The following RBFOX3 variants were observed in gnomAD, a reference collection of about 807,000 sequenced individuals.
The protein encoded by RBFOX3 is RNA binding fox-1 homolog 3, also known as RNA binding protein fox-1 homolog 3.
RBFOX3 carries 17 observed loss-of-function variants against 48.7 expected under a neutral mutation model. That is an observed-to-expected ratio of 0.35 (90% CI 0.24 to 0.52). The LOEUF (loss-of-function observed/expected upper bound fraction) is 0.52. RBFOX3 is among the 20% of genes least tolerant of loss of function. RBFOX3 has a pLI of 0.94. For missense variants in RBFOX3, 382 were observed against 497.5 expected, an observed-to-expected ratio of 0.77 and a Z score of 2.21; for synonymous variants, 212 against 209.5, an observed-to-expected ratio of 1.01 and a Z score of -0.10.
chr17:79,282,369 G>A (rs917583847), intron 3 of RBFOX3, among the ~76,000 whole-genome samples: 3 of 152,222 alleles, frequency 2.0e-5, no homozygotes, highest in South Asian at 2.1e-4. Context: ...TAAGGGATTC[G>A]CTGATGCATT....
At position 79,572,666 on chromosome 17, in the gene RBFOX3, G is replaced by C. The variant is rs932857775; in HGVS notation, c.-320+38160C>G. ...ACAGTCTTAAGTATTTATTAACAAA[G>C]GCAGGAGGGCAGCCAGCCTGTCTGA... On this transcript the variant is annotated intron_variant, in intron 1 of 14. Transcript: ENST00000693108. 6.6e-4 allele frequency among the ~76,000 whole-genome samples: 100 copies of C among 152,346 alleles called. 1 individual carries two copies. Among genetic ancestry groups the C allele is most frequent in the Non-Finnish European group, 1.0e-3 (68 of 68,038 alleles).
intron 1 of RBFOX3, among the ~76,000 whole-genome samples, chr17:79,515,378 G>A (rs1374225744): frequency 2.0e-5 from 3 of 152,022 alleles, no homozygotes; most frequent in Admixed American, 1.3e-4. Flanking sequence ...TGACCCCCAC[G>A]CAGCTCCCGG....
rs115314613 is a variant in RBFOX3 at position 79,281,841 on chromosome 17, A to T, written c.-74+25883T>A. 9.3e-3 allele frequency among the ~76,000 whole-genome samples: 1,416 copies of T among 152,276 alleles called. 18 individuals are homozygous for T. The highest frequency in any genetic ancestry group is 0.032 in the African/African-American group (1,334 of 41,552). On this transcript the variant is annotated intron_variant, in intron 3 of 14. Coordinates refer to ENST00000693108, the MANE Select transcript of RBFOX3 (RefSeq NM_001350451.2). The stretch of plus-strand genomic sequence containing the variant: ...CATGATCTTGCACTTGGTCAAGCTC[A>T]CCCGTCCTGGCATTGGGTGCTTAGG...
intron 3 of RBFOX3, among the ~76,000 whole-genome samples, chr17:79,262,815 G>C (rs56919062): frequency 0.18 from 27,795 of 152,350 alleles, 3,070 homozygotes; most frequent in Middle Eastern, 0.35. Context: ...CAACCCATAT[G>C]CCTTCAGCCA....
chr17:79,353,958 C>G (rs2084465113), intron 2 of RBFOX3, among the ~76,000 whole-genome samples: 1 of 152,216 alleles, frequency 6.6e-6, no homozygotes, highest in Admixed American at 6.5e-5. Flanking sequence ...CTCAGGAGAT[C>G]TTCCCTTTCA....
At chr17:79,422,262 A>G (rs549677416) in intron 2 of RBFOX3, among the ~76,000 whole-genome samples, 53 of 152,170 alleles carry the variant, frequency 3.5e-4, no homozygotes, top group African/African-American at 1.2e-3. Flanking sequence ...CGACAGCGGC[A>G]GCACAGCCTC....
intron 4 of RBFOX3, among the ~76,000 whole-genome samples, chr17:79,177,827 A>G (rs1392991327): frequency 6.6e-6 from 1 of 152,134 alleles, no homozygotes; most frequent in Non-Finnish European, 1.5e-5. Context: ...GAAAAATCCT[A>G]CCACCCTCAA....
At chr17:79,620,535 A>C in the RBFOX3 span, among the ~76,000 whole-genome samples, 1 of 149,518 alleles carries the variant, frequency 6.7e-6, no homozygotes, top group African/African-American at 2.5e-5. Context: ...ATACGCGCAC[A>C]TGCACACACG....
intron 2 of RBFOX3, among the ~76,000 whole-genome samples, chr17:79,441,829 G>A (rs1421704990): frequency 7.2e-5 from 11 of 152,190 alleles, no homozygotes; most frequent in Admixed American, 2.6e-4. Context: ...CAGGGCTGAC[G>A]TGGTGCTGGT....
At chr17:79,630,442 G>A in the RBFOX3 span, among the ~76,000 whole-genome samples, 2 of 152,184 alleles carry the variant, frequency 1.3e-5, no homozygotes, top group African/African-American at 4.8e-5. Flanking sequence ...GAGGCGGCTT[G>A]AGCTCTTCTC....
intron 4 of RBFOX3, among the ~76,000 whole-genome samples, chr17:79,160,331 C>G (rs981483857): frequency 6.6e-6 from 1 of 152,218 alleles, no homozygotes; most frequent in Non-Finnish European, 1.5e-5. Context: ...AAGGCACGAG[C>G]GTGTGAGCGT....
intron 2 of RBFOX3, among the ~76,000 whole-genome samples, chr17:79,313,705 C>T (rs538927393): frequency 6.6e-6 from 1 of 152,212 alleles, no homozygotes; most frequent in Admixed American, 6.5e-5. Context: ...TTCCCACCCC[C>T]AGATCCTTGG....
chr17:79,196,326 G>C (rs755700725), intron 4 of RBFOX3, among the ~76,000 whole-genome samples: 4 of 152,160 alleles, frequency 2.6e-5, no homozygotes, highest in Non-Finnish European at 5.9e-5. Flanking sequence ...CAGCCTGGGA[G>C]TCACAGACCC....
At chr17:79,267,764 C>G (rs2066961778) in intron 3 of RBFOX3, among the ~76,000 whole-genome samples, 1 of 152,148 alleles carries the variant, frequency 6.6e-6, no homozygotes, top group South Asian at 2.1e-4. Flanking sequence ...GACACCATTC[C>G]TCTCAGGGAG....
intron 3 of RBFOX3, among the ~76,000 whole-genome samples, chr17:79,241,917 C>T (rs1304884359): frequency 2.0e-5 from 3 of 152,218 alleles, no homozygotes; most frequent in African/African-American, 7.2e-5. Context: ...CCCTAATCAC[C>T]TCCCAAAGGT....
chr17:79,114,810 G>A (rs182195670), intron 5 of RBFOX3, among the ~76,000 whole-genome samples: 72 of 152,298 alleles, frequency 4.7e-4, no homozygotes, highest in Non-Finnish European at 9.7e-4. Context: ...GGAATAGGCC[G>A]GCTGGGGCTC....
At chr17:79,263,524 C>G (rs781117421) in intron 3 of RBFOX3, among the ~76,000 whole-genome samples, 1 of 152,200 alleles carries the variant, frequency 6.6e-6, no homozygotes, top group Non-Finnish European at 1.5e-5. Context: ...GGCAGAAGTC[C>G]TGGGAGTGGC....
At chr17:79,312,164 T>A (rs1365423904) in intron 2 of RBFOX3, among the ~76,000 whole-genome samples, 1 of 151,688 alleles carries the variant, frequency 6.6e-6, no homozygotes, top group Non-Finnish European at 1.5e-5. Context: ...TGGGGCTGCA[T>A]CTCCAAAGCC....
intron 3 of RBFOX3, among the ~76,000 whole-genome samples, chr17:79,283,975 A>T (rs112253630): frequency 1.2e-3 from 63 of 51,120 alleles, no homozygotes; most frequent in South Asian, 3.1e-3. Context: ...GACCATCGTA[A>T]CATTTGCCTG....
Sources: allele counts gnomAD v4.1 joint callset (sites outside exome capture counted in the v4.1 genomes callset), GRCh38; gene constraint gnomAD v4.1.1; transcripts MANE v1.5; gene names NCBI Gene and HGNC (gene_info 2026-07-23, HGNC 2026-07-21).